Variants in TJP2 observed in about 807,000 individuals in gnomAD.
TJP2 encodes the protein tight junction protein 2, also known as Friedreich ataxia region gene X104 (tight junction protein ZO-2).
Under a neutral mutation model 133.1 loss-of-function variants are expected in TJP2, and 91 were observed. The ratio of observed to expected loss-of-function variants is 0.68; its 90% CI spans 0.58 to 0.81. TJP2 has a LOEUF of 0.81. Among genes scored for constraint, TJP2 ranks in the 40% least tolerant of loss-of-function variants. TJP2 has a pLI of 0.00. For synonymous variants in TJP2, 592 were observed against 583.4 expected (o/e 1.01, Z -0.21); for missense variants, 1,541 against 1,565.6 (o/e 0.98, Z 0.26).
At chr9:69,222,834 C>T (rs1000508247) in intron 5 of TJP2, among the ~76,000 whole-genome samples, 19 of 151,440 alleles carry the variant, frequency 1.3e-4, no homozygotes, top group African/African-American at 4.4e-4. Flanking sequence ...TATGGGAGGC[C>T]GAGGTGGGCG....
chr9:69,230,853 GA>G (rs1354201163), intron 11 of TJP2, among the ~76,000 whole-genome samples: 2 of 152,120 alleles, frequency 1.3e-5, no homozygotes, highest in Non-Finnish European at 2.9e-5. Context: ...TTTCTTATTG[GA>G]AGATAACAAA....
chr9:69,174,035 C>T (rs570030994), upstream of TJP2: 228 of 1,045,938 alleles, frequency 2.2e-4, no homozygotes, highest in African/African-American at 3.4e-3. Context: ...GCCTCCCGCC[C>T]CCGGCCAGGA....
chr9:69,172,448 G>C (rs1824740671), upstream of TJP2, among the ~76,000 whole-genome samples: 1 of 152,228 alleles, frequency 6.6e-6, no homozygotes, highest in African/African-American at 2.4e-5. Flanking sequence ...AATGAGACAA[G>C]TGTGACTGAA....
chr9:69,166,464 C>T (rs942663702), intron 2 of TJP2, among the ~76,000 whole-genome samples: 1 of 151,680 alleles, frequency 6.6e-6, no homozygotes, highest in Admixed American at 6.6e-5. Context: ...AACACAGGGC[C>T]AGGCACCGTG....
At chr9:69,200,509 T>G (rs917348724) in intron 1 of TJP2, among the ~76,000 whole-genome samples, 1 of 152,214 alleles carries the variant, frequency 6.6e-6, no homozygotes, top group African/African-American at 2.4e-5. Flanking sequence ...TGCCTCAGTG[T>G]CCTGAGCAGC....
At chr9:69,220,409 C>G (rs551229932) in intron 4 of TJP2, among the ~76,000 whole-genome samples, 3 of 152,168 alleles carry the variant, frequency 2.0e-5, no homozygotes, top group Non-Finnish European at 4.4e-5. Context: ...TTTCTTCCAG[C>G]TATTTTGGAA....
rs1395630204 is a variant in TJP2 at position 69,229,164 on chromosome 9, AG to A, written c.1454-19del. 5 of 1,610,554 alleles carry A rather than the reference AG, an allele frequency of 3.1e-6. No homozygotes were observed. The African/African-American group carries it at 4.0e-5, about 13-fold the overall frequency. On this transcript the variant is annotated intron_variant, in intron 9 of 22. Transcript: ENST00000377245. ...CTTGTTAGTCCAGATTGATAACAGT[AG>A]ATGTTTCTTAACCTACAGCTCCTCA...
chr9:69,246,863 GTAGTCAAGCCATGCCCA>G, intron 18 of TJP2, 73 bp downstream of exon 18: 1 of 1,340,262 alleles, frequency 7.5e-7, no homozygotes. Context: ...GGCAGTGAAT[GTAGTCAAGCCATGCCCA>G]TTTGAAGTGA....
chr9:69,159,278 G>A (rs889993587), intron 2 of TJP2, among the ~76,000 whole-genome samples: 29 of 152,094 alleles, frequency 1.9e-4, no homozygotes, highest in African/African-American at 4.6e-4. Flanking sequence ...CCAAGATTAC[G>A]CCACTGTACT....
chr9:69,252,795 T>C lies in TJP2; in HGVS notation c.3322-20T>C. ...GGTTCATTCTTTCACTCTTATTCTT[T>C]TCTTTTTTAATTACCACAGATCGAA... On this transcript the variant is annotated intron_variant, in intron 21 of 22. Coordinates refer to ENST00000377245, the MANE Select transcript of TJP2 (RefSeq NM_004817.4). 2 of 1,613,066 alleles carry C rather than the reference T, an allele frequency of 1.2e-6. No individual in the cohort carries two copies. Among genetic ancestry groups the C allele is most frequent in the African/African-American group, 2.7e-5 (2 of 75,012 alleles).
At chr9:69,239,330 T>C (rs563205121) in intron 16 of TJP2, among the ~76,000 whole-genome samples, 4 of 151,314 alleles carry the variant, frequency 2.6e-5, no homozygotes, top group Admixed American at 6.6e-5. Context: ...ATATATATAA[T>C]GTAAATGCAA....
At chr9:69,198,605 C>G (rs929645969) in intron 1 of TJP2, among the ~76,000 whole-genome samples, 4 of 152,202 alleles carry the variant, frequency 2.6e-5, no homozygotes, top group African/African-American at 9.7e-5. Context: ...TCACAAACCC[C>G]TCTCTAAGCT....
At chr9:69,154,195 C>T (rs1380557594) in intron 2 of TJP2, among the ~76,000 whole-genome samples, 1 of 152,198 alleles carries the variant, frequency 6.6e-6, no homozygotes, top group Admixed American at 6.5e-5. Context: ...AGACTTAACT[C>T]CTTAACTCAG....
chr9:69,199,391 G>A (rs1826827182), intron 1 of TJP2, among the ~76,000 whole-genome samples: 1 of 152,132 alleles, frequency 6.6e-6, no homozygotes, highest in African/African-American at 2.4e-5. Context: ...TTAGCCAGGT[G>A]TGGTGGCATG....
At position 69,252,824 on chromosome 9, in the gene TJP2, G is replaced by A. The variant is rs1831436844; in HGVS notation, c.3331G>A (p.Ala1111Thr). The A allele has an allele frequency of 1.9e-6, 3 of 1,613,980 alleles. No homozygotes were observed. The highest frequency in any genetic ancestry group is 2.5e-6 in the Non-Finnish European group (3 of 1,180,008). Residue 1111 changes from alanine (A) to threonine (T), a missense_variant, in exon 22 of 23, where the codon GCC becomes ACC. By Grantham distance (58) the Ala-to-Thr change is moderately conservative (BLOSUM62 0). Coordinates refer to ENST00000377245, the MANE Select transcript of TJP2 (RefSeq NM_004817.4). ...QEAQNARIEI[A>T]QKHPDIYAVP... ...TTTTTAATTACCACAGATCGAAATT[G>A]CCCAGAAGCATCCTGATATCTATGC...
intron 1 of TJP2, chr9:69,205,048 T>C: frequency 6.9e-7 from 1 of 1,449,042 alleles, no homozygotes; most frequent in South Asian, 1.5e-5. Context: ...CAACAGGATT[T>C]GCTGGAAATG....
chr9:69,130,919 T>A (rs1798860274), intron 1 of TJP2, among the ~76,000 whole-genome samples: 3 of 152,112 alleles, frequency 2.0e-5, no homozygotes, highest in African/African-American at 7.2e-5. Context: ...GACTGAGTGG[T>A]CACCCGGATG....
rs373297381 is a variant in TJP2, at chr9:69,249,319, G to T, written c.2881-56G>T. 1.9e-5 allele frequency: 30 copies of T among 1,559,286 alleles called. No homozygotes were observed. In the East Asian group the frequency reaches 4.8e-4, roughly 25 times the overall value. ...CAGAACTCCTCCAAAGCAGTCGAGT[G>T]CTCTGTTCTCTCTGCTTGGATGTTC... On this transcript the variant is annotated intron_variant, in intron 19 of 22. Transcript: ENST00000377245.
chr9:69,151,206 G>A (rs1823457133), intron 1 of TJP2, among the ~76,000 whole-genome samples: 1 of 152,206 alleles, frequency 6.6e-6, no homozygotes, highest in African/African-American at 2.4e-5. Context: ...TGTGGGCCGG[G>A]CGCAGTGGCT....
Sources: gnomAD v4.1 joint callset for allele counts (sites outside exome capture counted in the v4.1 genomes callset) on GRCh38, gnomAD v4.1.1 for gene constraint, MANE v1.5 for transcripts, NCBI Gene and HGNC (gene_info 2026-07-23, HGNC 2026-07-21) for gene names.